ADCY1: variants seen among roughly 807,000 people sequenced by gnomAD.
ADCY1 encodes the protein adenylate cyclase 1.
In ADCY1, 28 loss-of-function variants were observed where a neutral mutation model predicts 105.4. That is an observed-to-expected ratio of 0.27 (90% CI 0.20 to 0.36). The LOEUF (loss-of-function observed/expected upper bound fraction) is 0.36, where lower values mean the gene tolerates loss of function less well. ADCY1 is among the 10% of genes least tolerant of loss of function. The pLI is 1.00. For synonymous variants in ADCY1, 655 were observed against 623.8 expected (o/e 1.05, Z -0.75); for missense variants, 977 against 1,434.2 (o/e 0.68, Z 5.15).
chr7:45,574,614 C>G lies in ADCY1; in HGVS notation c.71C>G (p.Ala24Gly), dbSNP rs1348282259. Residue 24 changes from alanine (A) to glycine (G), a missense_variant, in exon 1 of 20, where the codon GCG becomes GGG. By Grantham distance (60) the Ala-to-Gly change is moderately conservative. Transcript: ENST00000297323. This position sits in a 1 kb window ranked among gnomAD's most constrained non-coding sequence, Gnocchi z 7.0. ...GAGEPGGAER[A>G]AGTSRRRGLR... ...GGCGAGCCCGGGGGCGCCGAGCGGGCGGCCGGGACAAGCCGCCGGCGCGGG... is the reference window on the plus strand; with the variant it reads ...GGCGAGCCCGGGGGCGCCGAGCGGGGGGCCGGGACAAGCCGCCGGCGCGGG... 1 of 1,157,682 alleles carries G rather than the reference C, an allele frequency of 8.6e-7. No individual in the cohort carries two copies. The highest frequency in any genetic ancestry group is 4.2e-5 in the South Asian group (1 of 23,866). 71.7% of individuals were successfully genotyped at this position (1,157,682 alleles called of 1,614,324 possible).
intron 4 of ADCY1, among the ~76,000 whole-genome samples, chr7:45,639,549 T>C (rs1403141611): frequency 6.6e-6 from 1 of 152,248 alleles, no homozygotes. Flanking sequence ...GGTTATCAGC[T>C]GGGCTGCCTG....
At chr7:45,680,171 T>C (rs1227922243) in intron 11 of ADCY1, among the ~76,000 whole-genome samples, 1 of 152,222 alleles carries the variant, frequency 6.6e-6, no homozygotes. Context: ...TGGCGATTGA[T>C]ATTGATTAAA....
rs541068282 is a variant in ADCY1, at chr7:45,719,407, C to T, written c.*5412C>T. The T allele has an allele frequency of 6.6e-6, 1 of 152,408 alleles. No homozygotes were observed. Among genetic ancestry groups the T allele is most frequent in the South Asian group, 2.1e-4 (1 of 4,830 alleles). 9.4% of individuals were successfully genotyped at this position (152,408 alleles called of 1,614,324 possible). ...TGTACTAGGATGTGAGGATATCTGT[C>T]ACCTGCGTGGTCCATTCCATAAACA... On this transcript the variant is annotated 3_prime_UTR_variant, in exon 20 of 20. Transcript: ENST00000297323.
Position 45,714,698 on chromosome 7 carries a change from G to A in ADCY1, c.*703G>A, listed in dbSNP as rs972047350. ...AAGAGCCAGAGGCAGGTCTTCTGGA[G>A]TTCTCAGGGGGGCCCTGTGACCCCC... is the stretch of plus-strand genomic sequence containing the variant. On this transcript the variant is annotated 3_prime_UTR_variant, in exon 20 of 20. Coordinates refer to ENST00000297323, the MANE Select transcript of ADCY1 (RefSeq NM_021116.4). 6.5e-6 allele frequency: 1 copy of A among 152,676 alleles called. No individual in the cohort carries two copies. Among genetic ancestry groups the A allele is most frequent in the Non-Finnish European group, 1.5e-5 (1 of 68,068 alleles). 9.5% of individuals were successfully genotyped at this position (152,676 alleles called of 1,614,324 possible). A position where few individuals can be genotyped will look rare whatever the true frequency, so the allele number is the denominator to read the frequency against.
At chr7:45,587,990 G>C (rs1054217062) in intron 1 of ADCY1, among the ~76,000 whole-genome samples, 1 of 152,184 alleles carries the variant, frequency 6.6e-6, no homozygotes, top group Non-Finnish European at 1.5e-5. Context: ...TGAAGGAGTG[G>C]GGAGTTTACC....
chr7:45,712,084 TATATA>T (rs1281379014), intron 19 of ADCY1, among the ~76,000 whole-genome samples: 15 of 132,656 alleles, frequency 1.1e-4, no homozygotes, highest in African/African-American at 2.3e-4. Flanking sequence ...TTATATTAAA[TATATA>T]ATATATTTTA....
At chr7:45,666,451 C>A (rs1423011328) in intron 8 of ADCY1, among the ~76,000 whole-genome samples, 1 of 152,210 alleles carries the variant, frequency 6.6e-6, no homozygotes, top group Non-Finnish European at 1.5e-5. Context: ...CATGTCCCTA[C>A]AAAGGATATG....
chr7:45,683,969 G>A (rs746912219), intron 11 of ADCY1, among the ~76,000 whole-genome samples: 2 of 152,262 alleles, frequency 1.3e-5, no homozygotes, highest in Admixed American at 6.5e-5. Flanking sequence ...GGAAGCGGGG[G>A]AAGCAGATGA....
intron 8 of ADCY1, among the ~76,000 whole-genome samples, chr7:45,676,804 T>A (rs979010279): frequency 6.6e-6 from 1 of 151,596 alleles, no homozygotes; most frequent in Non-Finnish European, 1.5e-5. Context: ...CCCCACATGG[T>A]CTTTGCTGGC....
At chr7:45,683,883 C>CT (rs1233697137) in intron 11 of ADCY1, among the ~76,000 whole-genome samples, 1 of 152,238 alleles carries the variant, frequency 6.6e-6, no homozygotes, top group Non-Finnish European at 1.5e-5. Context: ...GTTCCCAGGC[C>CT]TGTGGTATGG....
intron 4 of ADCY1, among the ~76,000 whole-genome samples, chr7:45,624,366 C>A (rs1186837983): frequency 6.6e-6 from 1 of 151,040 alleles, no homozygotes; most frequent in Admixed American, 6.6e-5. Context: ...GGAGGGTGGG[C>A]ATGGGGGATT....
chr7:45,603,873 A>T (rs1793309103), intron 2 of ADCY1, among the ~76,000 whole-genome samples: 1 of 152,174 alleles, frequency 6.6e-6, no homozygotes, highest in Non-Finnish European at 1.5e-5. Context: ...CATATTGTTG[A>T]ATATATCAAT....
chr7:45,639,201 A>G (rs997617751), intron 4 of ADCY1, among the ~76,000 whole-genome samples: 1 of 152,228 alleles, frequency 6.6e-6, no homozygotes, highest in African/African-American at 2.4e-5. Flanking sequence ...TTACCTCCTT[A>G]GCCATGGTTG....
In ADCY1 at chr7:45,575,006, G is replaced by A. The variant is rs751947495; in HGVS notation, c.463G>A (p.Gly155Arg). ...CCGGGGTTCCGCCGGGGCCGCTGGGGGGCCAGCGACCGCCGAACAAGGGGT... is the reference window on the plus strand; with the variant it reads ...CCGGGGTTCCGCCGGGGCCGCTGGGAGGCCAGCGACCGCCGAACAAGGGGT... ...PARGSAGAAG[G>R]PATAEQGVWQ... Residue 155 changes from glycine to arginine, a missense_variant, in exon 1 of 20, where the codon GGG becomes AGG. Physicochemically the swap from Gly to Arg is moderately radical, Grantham distance 125 (BLOSUM62 -2). Around this residue, in one of 7 missense-constraint regions of ADCY1, gnomAD observed 209 missense variants for 222.5 expected, o/e 0.94. Transcript: ENST00000297323. The surrounding 1 kb of genome is among the most constrained non-coding windows in gnomAD (Gnocchi z 4.7). 6.2e-7 allele frequency: 1 copy of A among 1,611,520 alleles called. No individual in the cohort carries two copies. Among genetic ancestry groups the A allele is most frequent in the African/African-American group, 1.3e-5 (1 of 75,044 alleles).
chr7:45,605,431 T>G (rs571708103), intron 2 of ADCY1, among the ~76,000 whole-genome samples: 1 of 152,298 alleles, frequency 6.6e-6, no homozygotes, highest in East Asian at 1.9e-4. Context: ...CAATGTTTGT[T>G]AGGTGTAGGC....
chr7:45,682,489 C>T (rs924503268), intron 11 of ADCY1, among the ~76,000 whole-genome samples: 29 of 152,056 alleles, frequency 1.9e-4, no homozygotes, highest in African/African-American at 6.3e-4. Context: ...TGGGGCAGGC[C>T]GAGGTCAAGG....
At chr7:45,687,124 T>C in intron 14 of ADCY1, among the ~76,000 whole-genome samples, 1 of 152,164 alleles carries the variant, frequency 6.6e-6, no homozygotes, top group East Asian at 1.9e-4. Flanking sequence ...AGGTGGGGGC[T>C]GGACGTCTAT....
Position 45,721,385 on chromosome 7 carries a change from A to T in ADCY1, c.*7390A>T, listed in dbSNP as rs1398635087. ...CTTTGTCATATCAGACTATATTCTAAAACTATATTTGAGCGAAACCTGTCA... is the reference window on the plus strand; with the variant it reads ...CTTTGTCATATCAGACTATATTCTATAACTATATTTGAGCGAAACCTGTCA... On this transcript the variant is annotated 3_prime_UTR_variant, in exon 20 of 20. Transcript: ENST00000297323. 3.2e-6 allele frequency: 1 copy of T among 310,288 alleles called. No homozygotes were observed. Among genetic ancestry groups the T allele is most frequent in the East Asian group, 5.0e-5 (1 of 20,086 alleles). The allele number at this position is 310,288 out of a possible 1,614,324, so 19.2% of individuals were successfully genotyped here.
rs148459696 is a variant in ADCY1 at position 45,662,169 on chromosome 7, C to T, written c.1560C>T (p.Ala520=). ...QLMHCRKMFK[A]EIPFSNVMTC... ...TGCACTGCCGGAAAATGTTCAAGGC[C>T]GAGATCCCCTTCTCCAATGTCATGA... is the stretch of plus-strand genomic sequence containing the variant. The change falls in exon 8 of 20, where the codon GCC becomes GCT. Residue 520 remains alanine (A), a synonymous_variant. Coordinates refer to ENST00000297323, the MANE Select transcript of ADCY1 (RefSeq NM_021116.4). 2.1e-4 allele frequency: 347 copies of T among 1,613,984 alleles called. No homozygotes were observed. Among genetic ancestry groups the T allele is most frequent in the Non-Finnish European group, 2.7e-4 (318 of 1,179,982 alleles).
Sources: gnomAD v4.1 joint callset for allele counts (sites outside exome capture counted in the v4.1 genomes callset) on GRCh38, gnomAD v4.1.1 for gene constraint, gnomAD v4.1.1 regional missense constraint, Gnocchi (gnomAD v3.1) non-coding constraint, MANE v1.5 for transcripts, NCBI Gene and HGNC (gene_info 2026-07-23, HGNC 2026-07-21) for gene names.